Variants in ZNF609 observed in about 807,000 individuals in gnomAD.
ZNF609 encodes zinc finger protein 609.
Under a neutral mutation model 109.5 loss-of-function variants are expected in ZNF609, and 11 were observed. That is an observed-to-expected ratio of 0.10 (90% CI 0.06 to 0.17). The LOEUF is 0.17. Ranked by LOEUF, ZNF609 falls within the 10% of genes least tolerant of loss-of-function variation. The pLI, the probability that ZNF609 is intolerant of heterozygous loss-of-function variation, is 1.00. For synonymous variants in ZNF609, 646 were observed against 662.0 expected (o/e 0.98, Z 0.37); for missense variants, 1,559 against 1,772.4 (o/e 0.88, Z 2.16).
intron 2 of ZNF609, among the ~76,000 whole-genome samples, chr15:64,561,552 C>CTTTTT (rs771022478): frequency 7.7e-6 from 1 of 129,906 alleles, no homozygotes; most frequent in Admixed American, 7.8e-5. Flanking sequence ...TTTTCTTTTT[C>CTTTTT]TTTTTTTTTT....
chr15:64,540,700 G>T (rs115755974), intron 2 of ZNF609, among the ~76,000 whole-genome samples: 1 of 151,434 alleles, frequency 6.6e-6, no homozygotes. Context: ...TACCGTGTCC[G>T]GCCACAGATA....
intron 2 of ZNF609, among the ~76,000 whole-genome samples, chr15:64,563,638 T>C (rs2140406073): frequency 6.6e-6 from 1 of 151,806 alleles, no homozygotes; most frequent in South Asian, 2.1e-4. Context: ...TAGCCGGGCA[T>C]GGTGGCGCAT....
At chr15:64,627,187 G>A (rs990379781) in intron 3 of ZNF609, among the ~76,000 whole-genome samples, 15 of 149,442 alleles carry the variant, frequency 1.0e-4, no homozygotes, top group Admixed American at 3.3e-4. Flanking sequence ...GTGAGACTCC[G>A]TCTCAAAAAA....
Position 64,674,105 on chromosome 15 carries a change from A to C in ZNF609, c.1251A>C (p.Ser417=), listed in dbSNP as rs1284042423. 6.2e-7 allele frequency: 1 copy of C among 1,614,218 alleles called. No homozygotes were observed. Among genetic ancestry groups the C allele is most frequent in the African/African-American group, 1.3e-5 (1 of 75,070 alleles). Residue 417 remains serine, a synonymous_variant, in exon 5 of 10, where the codon TCA becomes TCC. Transcript: ENST00000326648. Reference sequence around the variant, plus strand: ...GCCGTCGGGGCAGCCAGAATTCTTCAGAGCACCGCCCACCTGCCAGCAGCA... The same window carrying C: ...GCCGTCGGGGCAGCCAGAATTCTTCCGAGCACCGCCCACCTGCCAGCAGCA... ...SKGRRGSQNS[S]EHRPPASSTS...
At chr15:64,488,544 T>C (rs1893362642) in intron 1 of ZNF609, among the ~76,000 whole-genome samples, 1 of 152,134 alleles carries the variant, frequency 6.6e-6, no homozygotes, top group Non-Finnish European at 1.5e-5. Context: ...GGAGAGGTAG[T>C]GTTAGGTATC....
chr15:64,623,322 A>T (rs1349733812), intron 3 of ZNF609, among the ~76,000 whole-genome samples: 1 of 152,248 alleles, frequency 6.6e-6, no homozygotes, highest in Non-Finnish European at 1.5e-5. Context: ...TTCAAACTGT[A>T]TCTGTACTCT....
chr15:64,543,446 CTTTT>C (rs1444264335), intron 2 of ZNF609, among the ~76,000 whole-genome samples: 4 of 133,248 alleles, frequency 3.0e-5, no homozygotes, highest in Non-Finnish European at 6.6e-5. Context: ...TTGTTTTTTG[CTTTT>C]TTTTTTTTTT....
intron 4 of ZNF609, chr15:64,671,518 C>T (rs1160755991): frequency 6.6e-6 from 1 of 152,142 alleles, no homozygotes; most frequent in Non-Finnish European, 1.5e-5. Flanking sequence ...AACTCAAGAA[C>T]ATTTTTAGTT....
intron 2 of ZNF609, among the ~76,000 whole-genome samples, chr15:64,601,287 A>G (rs2140948354): frequency 6.6e-6 from 1 of 152,336 alleles, no homozygotes; most frequent in East Asian, 1.9e-4. Context: ...CATGAACTGA[A>G]GTGGACAGTA....
intron 2 of ZNF609, among the ~76,000 whole-genome samples, chr15:64,508,678 C>T (rs151170038): frequency 1.8e-3 from 269 of 148,846 alleles, no homozygotes; most frequent in Non-Finnish European, 3.6e-3. Flanking sequence ...GCTTGAGACC[C>T]AGAAAATTTT....
intron 2 of ZNF609, among the ~76,000 whole-genome samples, chr15:64,547,561 G>A (rs1894386349): frequency 6.6e-6 from 1 of 152,114 alleles, no homozygotes; most frequent in African/African-American, 2.4e-5. Context: ...GATAAAATCT[G>A]GCTCTGGCTC....
In ZNF609 at chr15:64,500,072, A is replaced by C; in HGVS notation, c.653A>C (p.Glu218Ala). ...AVEPLGSIAI[E>A]PGAALNPLGT... is the part of the protein sequence containing the mutation. ...GAGCCACTTGGGAGTATAGCTATTG[A>C]GCCTGGGGCAGCGCTCAATCCTTTG... Residue 218 changes from glutamate (E) to alanine (A), a missense_variant, in exon 2 of 10, where the codon GAG becomes GCG. By Grantham distance (107) the Glu-to-Ala change is moderately radical. Transcript: ENST00000326648. 1 of 1,614,104 alleles carries C rather than the reference A, an allele frequency of 6.2e-7. No homozygotes were observed. Among genetic ancestry groups the C allele is most frequent in the South Asian group, 1.1e-5 (1 of 91,082 alleles).
At chr15:64,476,343 A>T (rs1335357198) in intron 1 of ZNF609, among the ~76,000 whole-genome samples, 1 of 152,106 alleles carries the variant, frequency 6.6e-6, no homozygotes, top group Non-Finnish European at 1.5e-5. Flanking sequence ...AGATAGAAAT[A>T]AACATAATAA....
intron 9 of ZNF609, 26 bp downstream of exon 9, chr15:64,681,413 C>T: frequency 1.3e-6 from 2 of 1,587,160 alleles, no homozygotes; most frequent in Non-Finnish European, 1.7e-6. Context: ...TAATTTGGGG[C>T]AACACATAAA....
At chr15:64,618,807 T>G (rs913417342) in intron 2 of ZNF609, among the ~76,000 whole-genome samples, 1 of 152,188 alleles carries the variant, frequency 6.6e-6, no homozygotes, top group Non-Finnish European at 1.5e-5. Context: ...TGTCTTCTTC[T>G]GCCAATGTGT....
At chr15:64,637,996 A>T (rs1035430016) in intron 3 of ZNF609, among the ~76,000 whole-genome samples, 19 of 135,366 alleles carry the variant, frequency 1.4e-4, no homozygotes, top group African/African-American at 5.0e-4. Context: ...ACCTTGTTTT[A>T]TATATATATA....
rs71133442 is a variant in ZNF609 at position 64,573,346 on chromosome 15, CTTTTT to C, written c.748-49459_748-49455del. Among the ~76,000 whole-genome samples, 12 of 72,978 alleles carry C rather than the reference CTTTTT, an allele frequency of 1.6e-4. 1 individual carries two copies. The East Asian group carries it at 3.7e-3, about 22-fold the overall frequency. 47.9% of individuals were successfully genotyped at this position (72,978 alleles called of 152,430 possible). ...GCAGTAGAGTTAGTGGCCCAACTTT[CTTTTT>C]TTTTTTTTTTTTTTTTTTTTTGAGA... On this transcript the variant is annotated intron_variant, in intron 2 of 9. Coordinates refer to ENST00000326648, the MANE Select transcript of ZNF609 (RefSeq NM_015042.2).
chr15:64,463,108 C>T (rs1044249124), intron 1 of ZNF609, among the ~76,000 whole-genome samples: 4 of 152,118 alleles, frequency 2.6e-5, no homozygotes, highest in Non-Finnish European at 4.4e-5. Flanking sequence ...TAAAAAAATA[C>T]AGCTAGCTGG....
At chr15:64,652,388 A>T (rs962048738) in intron 3 of ZNF609, among the ~76,000 whole-genome samples, 11 of 136,502 alleles carry the variant, frequency 8.1e-5, no homozygotes, top group Non-Finnish European at 1.4e-4. Flanking sequence ...TGCCTGGCTA[A>T]TTTTTTTTTT....
Sources: allele counts gnomAD v4.1 joint callset (sites outside exome capture counted in the v4.1 genomes callset), GRCh38; gene constraint gnomAD v4.1.1; transcripts MANE v1.5; gene names NCBI Gene and HGNC (gene_info 2026-07-23, HGNC 2026-07-21).